Variants in NHP2 observed in about 807,000 individuals in gnomAD.
The protein encoded by NHP2 is H/ACA ribonucleoprotein complex subunit 2.
A neutral mutation model predicts 16.7 loss-of-function variants in NHP2; 10 were observed. The ratio of observed to expected loss-of-function variants is 0.60; its 90% CI spans 0.37 to 1.01. The LOEUF (loss-of-function observed/expected upper bound fraction) is 1.01. Among genes scored for constraint, NHP2 ranks in the 50% least tolerant of loss-of-function variants. NHP2 has a pLI of 0.01. For missense variants in NHP2, 184 were observed against 198.3 expected (o/e 0.93, Z 0.43); for synonymous variants, 87 against 78.9 (o/e 1.10, Z -0.54).
intron 2 of NHP2, 85 bp downstream of exon 2, chr5:178,153,402 GAGTT>G: frequency 7.4e-7 from 1 of 1,356,442 alleles, no homozygotes; most frequent in Non-Finnish European, 1.1e-6. Flanking sequence ...GGCTAGGTCA[GAGTT>G]AACCTTTTTA....
chr5:178,153,377 G>T, intron 2 of NHP2, 114 bp downstream of exon 2: 1 of 1,038,420 alleles, frequency 9.6e-7, no homozygotes, highest in Non-Finnish European at 1.5e-6. Context: ...CTGCTTGATT[G>T]GCTTCTGTAT....
At chr5:178,150,166 C>G (rs1756230460) in intron 3 of NHP2, 1 of 266,862 alleles carries the variant, frequency 3.7e-6, no homozygotes, top group Non-Finnish European at 7.3e-6. Flanking sequence ...CTACAGGTCC[C>G]TCTGAGCCTA....
Position 178,153,753 on chromosome 5 carries a change from C to A in NHP2, c.65G>T (p.Arg22Leu), listed in dbSNP as rs1756334976. 1 of 1,613,182 alleles carries A rather than the reference C, an allele frequency of 6.2e-7. No homozygotes were observed. Among genetic ancestry groups the A allele is most frequent in the Non-Finnish European group, 8.5e-7 (1 of 1,179,588 alleles). ...GTTGACCAGCAGCTCCTGGTAGGTG[C>A]GCTCCCCGGAACACGCCTCCGCCTG... ...EAQAEACSGE[R>L]TYQELLVNQN... The change falls in exon 1 of 4, where the codon CGC becomes CTC. Residue 22 changes from arginine (R) to leucine (L), a missense_variant. Coordinates refer to ENST00000274606, the MANE Select transcript of NHP2 (RefSeq NM_017838.4).
In NHP2 at chr5:178,153,658, C is replaced by CTTTCTTGATGCAT. The variant is rs1169593537; in HGVS notation, c.147_159dup (p.Ala54MetfsTer40). 1 of 1,613,732 alleles carries CTTTCTTGATGCAT rather than the reference C, an allele frequency of 6.2e-7. No individual in the cohort carries two copies. Among genetic ancestry groups the CTTTCTTGATGCAT allele is most frequent in the African/African-American group, 1.3e-5 (1 of 74,942 alleles). ...CCGGCCACGCCGCCGTCCGCCTCAC[C>CTTTCTTGATGCAT]TTTCTTGATGCATTTGTAGAGCTTC... On this transcript the variant is annotated frameshift_variant and splice_region_variant, in exon 1 of 4. Coordinates refer to ENST00000274606, the MANE Select transcript of NHP2 (RefSeq NM_017838.4). LOFTEE classifies it high-confidence loss of function.
intron 3 of NHP2, chr5:178,150,193 C>T (rs572895970): frequency 1.3e-4 from 31 of 234,576 alleles, no homozygotes; most frequent in African/African-American, 6.6e-4. Flanking sequence ...CCTAACCGGA[C>T]TAACATGGGT....
In NHP2 at chr5:178,149,806, G is replaced by A. The variant is rs375285426; in HGVS notation, c.369C>T (p.Pro123=). 369 of 1,613,772 alleles carry A rather than the reference G, an allele frequency of 2.3e-4. 1 individual carries two copies. Among genetic ancestry groups the A allele is most frequent in the Non-Finnish European group, 2.8e-4 (327 of 1,179,870 alleles). ...GGGGCTTGACCATTATCACACAGGT[G>A]GGGCGCTTGGAGCCTGCGGCTGCAC... is the stretch of plus-strand genomic sequence containing the variant. ...DLGAAAGSKR[P]TCVIMVKPHE... Residue 123 remains proline (P), a synonymous_variant, in exon 4 of 4, where the codon CCC becomes CCT. Coordinates refer to ENST00000274606, the MANE Select transcript of NHP2 (RefSeq NM_017838.4).
intron 3 of NHP2, chr5:178,150,485 A>T: frequency 2.8e-6 from 1 of 359,120 alleles, no homozygotes; most frequent in Non-Finnish European, 5.5e-6. Context: ...GGTTCAAGTG[A>T]TCTCCTGCTT....
At position 178,153,827 on chromosome 5, in the gene NHP2, C is replaced by T. The variant is rs371173524; in HGVS notation, c.-10G>A. On this transcript the variant is annotated 5_prime_UTR_variant, in exon 1 of 4. Transcript: ENST00000274606. ...CCTTTATTTTGGTCATCGCAGCGGC[C>T]GCTGAAACCTAGTCCCAGGGAGGCG... 2.5e-6 allele frequency: 4 copies of T among 1,602,512 alleles called. No individual in the cohort carries two copies. The highest frequency in any genetic ancestry group is 1.1e-5 in the South Asian group (1 of 89,778).
At chr5:178,151,418 G>A (rs1267340642) in intron 2 of NHP2, among the ~76,000 whole-genome samples, 1 of 152,212 alleles carries the variant, frequency 6.6e-6, no homozygotes, top group East Asian at 1.9e-4. Context: ...AGAAGCATGG[G>A]CTCTGTCCCA....
chr5:178,153,541 A>G lies in NHP2; in HGVS notation c.180T>C (p.Ile60=), dbSNP rs1467827422. 3.1e-6 allele frequency: 5 copies of G among 1,614,162 alleles called. No individual in the cohort carries two copies. Among genetic ancestry groups the G allele is most frequent in the Non-Finnish European group, 4.2e-6 (5 of 1,180,024 alleles). ...CIKKAVKQKQ[I]RRGVKEVQKF... ...TCTGAACCTCTTTCACCCCGCGCCG[A>G]ATCTGCTTCTGCTTCACCGCTGCAA... The change falls in exon 2 of 4, where the codon ATT becomes ATC. Residue 60 remains isoleucine (I), a synonymous_variant. Transcript: ENST00000274606.
At chr5:178,151,081 G>A in intron 2 of NHP2, 88 bp from the exon 3 acceptor site, 1 of 1,131,752 alleles carries the variant, frequency 8.8e-7, no homozygotes, top group Admixed American at 1.7e-5. Flanking sequence ...CTTAGGGATA[G>A]AGACAAAATT....
intron 2 of NHP2, among the ~76,000 whole-genome samples, chr5:178,152,575 T>C (rs73351207): frequency 0.02 from 3,060 of 152,356 alleles, 78 homozygotes; most frequent in African/African-American, 0.055. Flanking sequence ...GCTTACCATC[T>C]GGCCTGAGAG....
intron 3 of NHP2, 28 bp downstream of exon 3, chr5:178,150,860 C>T (rs1289360754): frequency 1.3e-5 from 19 of 1,451,024 alleles, no homozygotes; most frequent in East Asian, 2.3e-5. Flanking sequence ...CAGTGCTGAG[C>T]AAGGTCAGGG....
At chr5:178,151,064 G>T in intron 2 of NHP2, 71 bp from the exon 3 acceptor site, 1 of 1,345,432 alleles carries the variant, frequency 7.4e-7, no homozygotes, top group Non-Finnish European at 1.1e-6. Context: ...GCTGCCCTGG[G>T]CTGGGTCTTA....
intron 3 of NHP2, chr5:178,150,405 G>C: frequency 3.7e-6 from 1 of 272,220 alleles, no homozygotes; most frequent in South Asian, 3.8e-5. Context: ...TTGAGACAGG[G>C]CCTCACTCTG....
At chr5:178,150,111 T>G in intron 3 of NHP2, 2 of 351,764 alleles carry the variant, frequency 5.7e-6, no homozygotes, top group Non-Finnish European at 1.1e-5. Flanking sequence ...CCACCCCCAC[T>G]TCCTGTGCCT....
At chr5:178,150,141 G>A (rs999534496) in intron 3 of NHP2, 10 of 302,732 alleles carry the variant, frequency 3.3e-5, no homozygotes, top group Admixed American at 1.4e-4. Context: ...CCCCTGTTAC[G>A]TAAGATAAGG....
rs1169570803 is a variant in NHP2 at position 178,153,835 on chromosome 5, C to T, written c.-18G>A. On this transcript the variant is annotated 5_prime_UTR_variant, in exon 1 of 4. Coordinates refer to ENST00000274606, the MANE Select transcript of NHP2 (RefSeq NM_017838.4). ...TTGGTCATCGCAGCGGCCGCTGAAA[C>T]CTAGTCCCAGGGAGGCGAGCCCACG... 1 of 1,600,106 alleles carries T rather than the reference C, an allele frequency of 6.2e-7. No homozygotes were observed. Among genetic ancestry groups the T allele is most frequent in the African/African-American group, 1.3e-5 (1 of 74,716 alleles).
rs41285577 is a variant in NHP2, at chr5:178,153,642, C to G, written c.160+16G>C. 0.014 allele frequency: 22,631 copies of G among 1,613,782 alleles called. 306 individuals are homozygous for G. Among genetic ancestry groups the G allele is most frequent in the East Asian group, 0.078 (3,502 of 44,870 alleles). On this transcript the variant is annotated intron_variant, in intron 1 of 3. Transcript: ENST00000274606. ...CACCCGCGCACCCATCCCGGCCACG[C>G]CGCCGTCCGCCTCACCTTTCTTGAT...
Sources: gnomAD v4.1 joint callset for allele counts (sites outside exome capture counted in the v4.1 genomes callset) on GRCh38, gnomAD v4.1.1 for gene constraint, MANE v1.5 for transcripts, NCBI Gene and HGNC (gene_info 2026-07-23, HGNC 2026-07-21) for gene names.